The following PRR16 variants were observed in gnomAD, a reference collection of about 807,000 sequenced individuals.
PRR16 encodes the protein proline rich 16, also known as protein Largen.
Under a neutral mutation model 18.2 loss-of-function variants are expected in PRR16, and 6 were observed. That is an observed-to-expected ratio of 0.33 (90% CI 0.18 to 0.65). The LOEUF (loss-of-function observed/expected upper bound fraction) is 0.65, where lower values mean the gene tolerates loss of function less well. PRR16 is among the 30% of genes least tolerant of loss of function. The pLI is 0.74. For missense variants in PRR16, 412 were observed against 376.6 expected (o/e 1.09, Z -0.78); for synonymous variants, 151 against 147.8 (o/e 1.02, Z -0.16).
the PRR16 span, among the ~76,000 whole-genome samples, chr5:120,789,613 G>C: frequency 6.6e-6 from 1 of 152,002 alleles, no homozygotes; most frequent in East Asian, 1.9e-4. Context: ...CAATGGAAAA[G>C]CATTTCTTAA....
At chr5:120,496,458 A>T (rs1454081415) in intron 1 of PRR16, among the ~76,000 whole-genome samples, 1 of 151,954 alleles carries the variant, frequency 6.6e-6, no homozygotes, top group Non-Finnish European at 1.5e-5. Flanking sequence ...CAAGGAACTG[A>T]TGTATTAAAT....
intron 1 of PRR16, among the ~76,000 whole-genome samples, chr5:120,515,547 C>T (rs889120184): frequency 6.6e-6 from 1 of 152,100 alleles, no homozygotes; most frequent in Non-Finnish European, 1.5e-5. Flanking sequence ...TGGCACCTTT[C>T]CTTAGAAACC....
the PRR16 span, among the ~76,000 whole-genome samples, chr5:120,787,392 T>C: frequency 6.6e-6 from 1 of 152,124 alleles, no homozygotes; most frequent in Non-Finnish European, 1.5e-5. Context: ...ATGTAACAAA[T>C]CTTCAAAATT....
At chr5:120,530,586 T>A (rs925888686) in intron 1 of PRR16, among the ~76,000 whole-genome samples, 5 of 152,172 alleles carry the variant, frequency 3.3e-5, no homozygotes, top group Admixed American at 3.3e-4. Flanking sequence ...AAAATTAGAT[T>A]AAGTGTGAGC....
intron 1 of PRR16, among the ~76,000 whole-genome samples, chr5:120,528,206 G>T (rs1475193193): frequency 1.3e-5 from 2 of 152,092 alleles, no homozygotes; most frequent in Non-Finnish European, 2.9e-5. Flanking sequence ...GTCAATAAAT[G>T]GAATCTAAAT....
chr5:120,483,157 C>G (rs191261387), intron 1 of PRR16, among the ~76,000 whole-genome samples: 157 of 152,244 alleles, frequency 1.0e-3, no homozygotes, highest in African/African-American at 3.6e-3. Context: ...GGAATCCAGC[C>G]TCTTGTGATA....
chr5:120,783,411 CTG>C, the PRR16 span, among the ~76,000 whole-genome samples: 1 of 151,964 alleles, frequency 6.6e-6, no homozygotes, highest in Non-Finnish European at 1.5e-5. Flanking sequence ...AAACTTAGAA[CTG>C]ATACATGGGC....
chr5:120,702,162 G>A, the PRR16 span, among the ~76,000 whole-genome samples: 34 of 152,028 alleles, frequency 2.2e-4, no homozygotes, highest in African/African-American at 7.7e-4. Flanking sequence ...AGTGGGAAAA[G>A]GGGTTGGGGT....
intron 1 of PRR16, among the ~76,000 whole-genome samples, chr5:120,673,458 A>G (rs1756684012): frequency 6.6e-6 from 1 of 152,234 alleles, no homozygotes; most frequent in African/African-American, 2.4e-5. Context: ...CAAATTATAG[A>G]GTTAAAATTT....
chr5:120,504,147 T>C (rs1002884637), intron 1 of PRR16, among the ~76,000 whole-genome samples: 7 of 152,082 alleles, frequency 4.6e-5, no homozygotes, highest in African/African-American at 1.7e-4. Flanking sequence ...TAGCATTAGG[T>C]ATATCTCCTA....
the PRR16 span, among the ~76,000 whole-genome samples, chr5:120,707,975 T>C: frequency 1.3e-5 from 2 of 152,194 alleles, no homozygotes; most frequent in African/African-American, 4.8e-5. Flanking sequence ...TTAGTTACTG[T>C]TTGGTTTTTA....
chr5:120,781,467 G>A, the PRR16 span: 2 of 152,176 alleles, frequency 1.3e-5, no homozygotes, highest in African/African-American at 2.4e-5. Context: ...ACAGAGCAAA[G>A]TCTGTTCAGA....
At chr5:120,743,408 C>T in the PRR16 span, among the ~76,000 whole-genome samples, 2 of 151,794 alleles carry the variant, frequency 1.3e-5, no homozygotes, top group Non-Finnish European at 2.9e-5. Context: ...AAGGTGTGGG[C>T]TGTAGCTTTC....
chr5:120,657,365 A>ATTC (rs1756018250), intron 1 of PRR16, among the ~76,000 whole-genome samples: 1 of 150,816 alleles, frequency 6.6e-6, no homozygotes, highest in Non-Finnish European at 1.5e-5. Flanking sequence ...GCCAGCTCAT[A>ATTC]GGGGGCTTGT....
At chr5:120,563,212 G>A (rs894387466) in intron 1 of PRR16, among the ~76,000 whole-genome samples, 1 of 152,014 alleles carries the variant, frequency 6.6e-6, no homozygotes, top group African/African-American at 2.4e-5. Flanking sequence ...AAGAGCACTG[G>A]GTCTCACCAA....
intron 1 of PRR16, among the ~76,000 whole-genome samples, chr5:120,516,588 G>A (rs1022383970): frequency 2.6e-5 from 4 of 151,800 alleles, no homozygotes; most frequent in African/African-American, 9.7e-5. Flanking sequence ...GGTTTCTAAA[G>A]AATATGAATG....
chr5:120,716,884 CAAAAT>C, the PRR16 span, among the ~76,000 whole-genome samples: 2,031 of 152,042 alleles, frequency 0.013, 56 homozygotes, highest in African/African-American at 0.046. Flanking sequence ...AAAAACAAAA[CAAAAT>C]AAAACAAACA....
chr5:120,633,252 A>G (rs995969559), intron 1 of PRR16, among the ~76,000 whole-genome samples: 2 of 152,170 alleles, frequency 1.3e-5, no homozygotes, highest in East Asian at 3.8e-4. Flanking sequence ...GAAATACACC[A>G]AAATAGAATC....
At chr5:120,696,098 C>T in the PRR16 span, among the ~76,000 whole-genome samples, 2 of 151,898 alleles carry the variant, frequency 1.3e-5, no homozygotes, top group Admixed American at 1.3e-4. Flanking sequence ...AAAAATTAGC[C>T]GGACGTAGTG....
Sources: allele counts gnomAD v4.1 joint callset (sites outside exome capture counted in the v4.1 genomes callset), GRCh38; gene constraint gnomAD v4.1.1; transcripts MANE v1.5; gene names NCBI Gene and HGNC (gene_info 2026-07-23, HGNC 2026-07-21).